The following QTMAN variants were observed in gnomAD, a reference collection of about 807,000 sequenced individuals.
The protein encoded by QTMAN is tRNA-queuosine alpha-mannosyltransferase.
the QTMAN span, among the ~76,000 whole-genome samples, chr2:144,162,761 A>G: frequency 2.4e-4 from 37 of 152,240 alleles, no homozygotes; most frequent in Non-Finnish European, 5.0e-4. Flanking sequence ...CAGGTCTTGG[A>G]TGGATAAAAC....
At chr2:144,294,698 T>C in the QTMAN span, among the ~76,000 whole-genome samples, 1 of 152,186 alleles carries the variant, frequency 6.6e-6, no homozygotes, top group Non-Finnish European at 1.5e-5. Flanking sequence ...ATATAAGTAA[T>C]CTTCAATAAG....
chr2:143,952,812 G>C, the QTMAN span: 5 of 1,609,324 alleles, frequency 3.1e-6, no homozygotes, highest in Non-Finnish European at 4.3e-6. Context: ...TTAGGACAAA[G>C]TGGGTAACAC....
chr2:144,111,326 C>G, the QTMAN span, among the ~76,000 whole-genome samples: 1 of 152,250 alleles, frequency 6.6e-6, no homozygotes, highest in Non-Finnish European at 1.5e-5. Context: ...CTTATTTCAC[C>G]GGGTTCACAC....
chr2:144,123,963 G>A, the QTMAN span, among the ~76,000 whole-genome samples: 1 of 152,032 alleles, frequency 6.6e-6, no homozygotes, highest in Admixed American at 6.6e-5. Context: ...TAAGAATACA[G>A]GAATTCCCTC....
chr2:144,269,633 G>T, the QTMAN span, among the ~76,000 whole-genome samples: 1 of 151,938 alleles, frequency 6.6e-6, no homozygotes, highest in Non-Finnish European at 1.5e-5. Context: ...TATGGAAGGG[G>T]TTCTAATGAA....
chr2:144,057,055 T>C, the QTMAN span, among the ~76,000 whole-genome samples: 1 of 152,170 alleles, frequency 6.6e-6, no homozygotes, highest in Non-Finnish European at 1.5e-5. Context: ...GCAATCAGAG[T>C]TAATTTCTAA....
chr2:144,237,059 G>A, the QTMAN span, among the ~76,000 whole-genome samples: 1 of 152,132 alleles, frequency 6.6e-6, no homozygotes, highest in Admixed American at 6.6e-5. Context: ...ACTGCACTCA[G>A]TGCTGAGGAC....
chr2:143,957,206 A>G, the QTMAN span: 1 of 1,587,606 alleles, frequency 6.3e-7, no homozygotes, highest in Middle Eastern at 1.7e-4. Context: ...TTGCCACTCC[A>G]AAGAATTCAT....
the QTMAN span, among the ~76,000 whole-genome samples, chr2:144,129,850 G>A: frequency 6.6e-6 from 1 of 151,702 alleles, no homozygotes; most frequent in African/African-American, 2.4e-5. Flanking sequence ...TCCAAACACA[G>A]AGAAAAATAT....
the QTMAN span, chr2:143,943,103 C>T: frequency 6.6e-6 from 1 of 152,278 alleles, no homozygotes; most frequent in South Asian, 2.1e-4. Context: ...TCTGACATAA[C>T]CATTATTGTA....
the QTMAN span, among the ~76,000 whole-genome samples, chr2:144,187,940 G>A: frequency 6.6e-6 from 1 of 152,186 alleles, no homozygotes; most frequent in Non-Finnish European, 1.5e-5. Flanking sequence ...CACACACACA[G>A]AGGAAGGTCA....
chr2:144,211,581 T>G, the QTMAN span: 1 of 152,578 alleles, frequency 6.6e-6, no homozygotes, highest in African/African-American at 2.4e-5. Context: ...AAGCACAATC[T>G]GGAAGAAAGA....
the QTMAN span, among the ~76,000 whole-genome samples, chr2:144,154,165 T>C: frequency 1.3e-5 from 2 of 152,216 alleles, no homozygotes; most frequent in African/African-American, 4.8e-5. Flanking sequence ...AAGTGAATAG[T>C]TTTATTTCAA....
At chr2:143,993,293 A>G in the QTMAN span, among the ~76,000 whole-genome samples, 3 of 152,188 alleles carry the variant, frequency 2.0e-5, no homozygotes, top group South Asian at 6.2e-4. Context: ...ACAAATGAAT[A>G]ACTTCATAGT....
chr2:143,941,913 CTTTG>C, the QTMAN span: 2 of 151,680 alleles, frequency 1.3e-5, no homozygotes, highest in African/African-American at 4.8e-5. Flanking sequence ...TACAAAAAAA[CTTTG>C]TTTCTGTAAC....
chr2:144,190,938 C>G, the QTMAN span, among the ~76,000 whole-genome samples: 1 of 152,214 alleles, frequency 6.6e-6, no homozygotes, highest in African/African-American at 2.4e-5. Context: ...TGTTCCTCCA[C>G]TGTCCTCTTT....
the QTMAN span, among the ~76,000 whole-genome samples, chr2:144,304,639 C>G: frequency 6.6e-6 from 1 of 152,296 alleles, no homozygotes; most frequent in East Asian, 1.9e-4. Context: ...GAAACAGGAT[C>G]TCACTATATT....
the QTMAN span, among the ~76,000 whole-genome samples, chr2:144,101,054 C>G: frequency 1.9e-3 from 283 of 151,634 alleles, no homozygotes; most frequent in African/African-American, 6.3e-3. Context: ...ATTTTTAGTA[C>G]AGATGGGGTT....
At chr2:144,220,925 C>T in the QTMAN span, among the ~76,000 whole-genome samples, 1 of 152,186 alleles carries the variant, frequency 6.6e-6, no homozygotes, top group Non-Finnish European at 1.5e-5. Flanking sequence ...TTCCAAACTT[C>T]ACTTGCAAGA....
Sources: allele counts gnomAD v4.1 joint callset (sites outside exome capture counted in the v4.1 genomes callset), GRCh38; gene constraint gnomAD v4.1.1; transcripts MANE v1.5; gene names NCBI Gene and HGNC (gene_info 2026-07-23, HGNC 2026-07-21).